RAP1A: variants seen among roughly 807,000 people sequenced by gnomAD.
RAP1A encodes RAP1A, member of RAS oncogene family.
A neutral mutation model predicts 26.4 loss-of-function variants in RAP1A; 6 were observed. The ratio of observed to expected loss-of-function variants is 0.23; its 90% CI spans 0.12 to 0.45. RAP1A has a LOEUF of 0.45. Ranked by LOEUF, RAP1A falls within the 20% of genes least tolerant of loss-of-function variation. The probability of loss-of-function intolerance (pLI) is 0.99; values close to 1 mark genes in which losing one functional copy is unlikely to be tolerated. For synonymous variants in RAP1A, 73 were observed against 79.4 expected, an observed-to-expected ratio of 0.92 and a Z score of 0.43; for missense variants, 121 against 217.2, an observed-to-expected ratio of 0.56 and a Z score of 2.78.
At chr1:111,690,710 T>C (rs1423754681) in intron 1 of RAP1A, among the ~76,000 whole-genome samples, 1 of 152,252 alleles carries the variant, frequency 6.6e-6, no homozygotes, top group East Asian at 1.9e-4. Context: ...CCTTTTAAGA[T>C]AATCATGGAG....
intron 4 of RAP1A, among the ~76,000 whole-genome samples, chr1:111,700,915 T>C (rs1435211676): frequency 6.6e-6 from 1 of 152,184 alleles, no homozygotes; most frequent in African/African-American, 2.4e-5. Flanking sequence ...CACTAGAATC[T>C]AATGACACTA....
intron 1 of RAP1A, among the ~76,000 whole-genome samples, chr1:111,635,819 C>G (rs560660005): frequency 6.6e-6 from 1 of 152,136 alleles, no homozygotes; most frequent in East Asian, 1.9e-4. Context: ...GTGATCCCCC[C>G]ACCTCAGCCT....
At chr1:111,596,805 T>C (rs1658571991) in intron 1 of RAP1A, among the ~76,000 whole-genome samples, 1 of 152,200 alleles carries the variant, frequency 6.6e-6, no homozygotes, top group East Asian at 1.9e-4. Context: ...ATAGCACTAA[T>C]TCTCCTCTTA....
intron 1 of RAP1A, among the ~76,000 whole-genome samples, chr1:111,620,441 G>C (rs989516406): frequency 6.6e-6 from 1 of 152,112 alleles, no homozygotes; most frequent in African/African-American, 2.4e-5. Context: ...CCGCGGGGGC[G>C]GGGGGGAGGG....
At chr1:111,546,426 T>A (rs147620512) in intron 1 of RAP1A, among the ~76,000 whole-genome samples, 104 of 152,260 alleles carry the variant, frequency 6.8e-4, no homozygotes, top group South Asian at 2.9e-3. Context: ...TCCCCATTCC[T>A]TCCTCTCCCA....
intron 1 of RAP1A, among the ~76,000 whole-genome samples, chr1:111,626,370 T>TAC (rs3084315): frequency 0.07 from 10,408 of 149,326 alleles, 395 homozygotes; most frequent in South Asian, 0.11. Context: ...TATGTATACA[T>TAC]ACACACACAC....
At chr1:111,704,254 G>T in intron 5 of RAP1A, 89 bp from the exon 6 acceptor site, 1 of 1,378,360 alleles carries the variant, frequency 7.3e-7, no homozygotes, top group South Asian at 1.4e-5. Context: ...ATGCATTTCA[G>T]TTGGTGGCAG....
intron 1 of RAP1A, among the ~76,000 whole-genome samples, chr1:111,679,588 T>C (rs1415387432): frequency 6.6e-6 from 1 of 152,124 alleles, no homozygotes; most frequent in Non-Finnish European, 1.5e-5. Context: ...GAAAGGGGGC[T>C]GAAGCCAGGG....
At chr1:111,644,173 G>T (rs1353882667) in intron 1 of RAP1A, among the ~76,000 whole-genome samples, 1 of 151,722 alleles carries the variant, frequency 6.6e-6, no homozygotes, top group Non-Finnish European at 1.5e-5. Flanking sequence ...CCAACTAACC[G>T]TTACATGGTT....
chr1:111,607,889 G>T (rs1307925771), intron 1 of RAP1A, among the ~76,000 whole-genome samples: 1 of 114,236 alleles, frequency 8.8e-6, no homozygotes, highest in African/African-American at 3.4e-5. Flanking sequence ...CCTCCCTCCC[G>T]GACGGGGCGG....
At chr1:111,674,629 CT>C (rs1218732138) in intron 1 of RAP1A, among the ~76,000 whole-genome samples, 5 of 152,172 alleles carry the variant, frequency 3.3e-5, no homozygotes, top group African/African-American at 7.2e-5. Flanking sequence ...AAAGTATTAT[CT>C]TTCTTTTTAA....
intron 4 of RAP1A, among the ~76,000 whole-genome samples, chr1:111,699,519 T>G (rs979860535): frequency 1.4e-5 from 2 of 147,592 alleles, no homozygotes; most frequent in Non-Finnish European, 3.0e-5. Context: ...TGGAGTGCAG[T>G]GGTGTGAACA....
chr1:111,615,357 C>T (rs368066333), upstream of RAP1A, among the ~76,000 whole-genome samples: 2 of 151,740 alleles, frequency 1.3e-5, no homozygotes, highest in East Asian at 3.9e-4. Context: ...CAGGAGATCA[C>T]AGCAAAAGTC....
At position 111,713,763 on chromosome 1, in the gene RAP1A, T is replaced by C. The variant is rs575633428; in HGVS notation, c.*1362T>C. ...CAGTTATTTTCCTCTTTACAAAAGA[T>C]AGGGCTTAAGTAAGACATGGACCCA... On this transcript the variant is annotated 3_prime_UTR_variant, in exon 8 of 8. Coordinates refer to ENST00000369709, the MANE Select transcript of RAP1A (RefSeq NM_002884.4). The C allele has an allele frequency of 2.0e-5, 3 of 152,202 alleles. No individual in the cohort carries two copies. The highest frequency in any genetic ancestry group is 4.4e-5 in the Non-Finnish European group (3 of 68,016). The allele number at this position is 152,202 out of a possible 1,614,324, so 9.4% of individuals were successfully genotyped here.
rs1418332857 is a variant in RAP1A at position 111,544,762 on chromosome 1, A to G, written c.-28+2253A>G. 2.0e-5 allele frequency among the ~76,000 whole-genome samples: 3 copies of G among 151,406 alleles called. No individual in the cohort carries two copies. In the East Asian group the frequency reaches 5.8e-4, roughly 30 times the overall value. On this transcript the variant is annotated intron_variant, in intron 1 of 7. Transcript: ENST00000356415. ...GGTATATACCCAATTTCTTGGGTAT[A>G]TCCAATTTGGTACATACCCAATTTC... is the stretch of plus-strand genomic sequence containing the variant.
intron 1 of RAP1A, among the ~76,000 whole-genome samples, chr1:111,603,930 G>A (rs982050053): frequency 6.6e-6 from 1 of 152,216 alleles, no homozygotes; most frequent in African/African-American, 2.4e-5. Context: ...TTTTAGAAAT[G>A]TAGACATTTT....
intron 3 of RAP1A, among the ~76,000 whole-genome samples, chr1:111,695,703 T>TA (rs1254505798): frequency 6.6e-6 from 1 of 152,202 alleles, no homozygotes. Flanking sequence ...GTTTTCAACT[T>TA]ACTCTTTTGT....
intron 1 of RAP1A, among the ~76,000 whole-genome samples, chr1:111,577,401 C>CAAAAAA (rs56156855): frequency 9.3e-4 from 27 of 29,062 alleles, no homozygotes; most frequent in Admixed American, 1.2e-3. Flanking sequence ...GACTCCATCG[C>CAAAAAA]AAAAAAAAAA....
chr1:111,640,998 A>G (rs1440596919), intron 1 of RAP1A, among the ~76,000 whole-genome samples: 5 of 152,168 alleles, frequency 3.3e-5, no homozygotes, highest in African/African-American at 7.2e-5. Context: ...TTGTTAAGTA[A>G]TGTATTTTAA....
Sources: allele counts gnomAD v4.1 joint callset (sites outside exome capture counted in the v4.1 genomes callset), GRCh38; gene constraint gnomAD v4.1.1; transcripts MANE v1.5; gene names NCBI Gene and HGNC (gene_info 2026-07-23, HGNC 2026-07-21).